The following ZDBF2 variants were observed in gnomAD, a reference collection of about 807,000 sequenced individuals.
ZDBF2 encodes zinc finger DBF-type containing 2, also known as DBF4-type zinc finger-containing protein 2.
A neutral mutation model predicts 9.4 loss-of-function variants in ZDBF2; 6 were observed. That is an observed-to-expected ratio of 0.64 (90% confidence interval 0.35 to 1.27). The LOEUF is 1.27. Among genes scored for constraint, ZDBF2 ranks in the 50% most tolerant of loss-of-function variants. The pLI is 0.03. For missense variants in ZDBF2, 2,697 were observed against 2,766.8 expected (o/e 0.97, Z 0.57); for synonymous variants, 905 against 946.3 (o/e 0.96, Z 0.80).
At chr2:206,301,571 A>C in intron 4 of ZDBF2, among the ~76,000 whole-genome samples, 1 of 151,916 alleles carries the variant, frequency 6.6e-6, no homozygotes, top group East Asian at 1.9e-4. Flanking sequence ...TCTCATTTTG[A>C]ATACCATTTT....
chr2:206,309,127 T>G lies in ZDBF2; in HGVS notation c.4599T>G (p.Gly1533=). 1.2e-6 allele frequency: 2 copies of G among 1,613,624 alleles called. No individual in the cohort carries two copies. The highest frequency in any genetic ancestry group is 1.7e-6 in the Non-Finnish European group (2 of 1,179,742). Residue 1533 remains glycine, a synonymous_variant, in exon 5 of 5, where the codon GGT becomes GGG. Coordinates refer to ENST00000374423, the MANE Select transcript of ZDBF2 (RefSeq NM_020923.3). ...PKVVLVDLVP[G]DSDYEVISDD... Reference sequence around the variant, plus strand: ...TGGTACTTGTGGATCTGGTGCCCGGTGATAGTGATTATGAAGTAATTTCAG... The same window carrying G: ...TGGTACTTGTGGATCTGGTGCCCGGGGATAGTGATTATGAAGTAATTTCAG...
Position 206,307,385 on chromosome 2 carries a change from G to A in ZDBF2, c.2857G>A (p.Val953Ile), listed in dbSNP as rs758533765. The change falls in exon 5 of 5, where the codon GTT becomes ATT. Residue 953 changes from valine (V) to isoleucine (I), a missense_variant. Coordinates refer to ENST00000374423, the MANE Select transcript of ZDBF2 (RefSeq NM_020923.3). ...KEHMYLENKS[V>I]FETSLDSDVP... Reference sequence around the variant, plus strand: ...GCACATGTACTTAGAAAATAAGAGTGTTTTTGAAACAAGTTTGGATTCTGA... The same window carrying A: ...GCACATGTACTTAGAAAATAAGAGTATTTTTGAAACAAGTTTGGATTCTGA... The A allele has an allele frequency of 1.2e-6, 2 of 1,613,052 alleles. No homozygotes were observed. The highest frequency in any genetic ancestry group is 2.2e-5 in the South Asian group (2 of 90,744).
rs538405975 is a variant in ZDBF2, at chr2:206,295,665, C to T, written c.61-1581C>T. ...CTGGGATTACAGGCCTGAGCCACTG[C>T]GCCCAGCCCAGTTTACTCTAATTTT... On this transcript the variant is annotated intron_variant, in intron 3 of 4. Coordinates refer to ENST00000374423, the MANE Select transcript of ZDBF2 (RefSeq NM_020923.3). 5.9e-5 allele frequency among the ~76,000 whole-genome samples: 9 copies of T among 152,196 alleles called. No homozygotes were observed. The South Asian group carries it at 1.2e-3, about 21-fold the overall frequency.
intron 2 of ZDBF2, among the ~76,000 whole-genome samples, chr2:206,281,167 CTATT>C (rs1279514206): frequency 6.6e-6 from 1 of 152,142 alleles, no homozygotes; most frequent in Non-Finnish European, 1.5e-5. Flanking sequence ...AACTGGAAAA[CTATT>C]TATTTGTAGA....
Position 206,274,756 on chromosome 2 carries a change from G to C in ZDBF2, c.-293G>C, listed in dbSNP as rs1285299330. 1 of 152,216 alleles carries C rather than the reference G, an allele frequency of 6.6e-6. No individual in the cohort carries two copies. Among genetic ancestry groups the C allele is most frequent in the South Asian group, 2.1e-4 (1 of 4,834 alleles). 9.4% of individuals were successfully genotyped at this position (152,216 alleles called of 1,614,324 possible). A position where few individuals can be genotyped will look rare whatever the true frequency, so the allele number is the denominator to read the frequency against. On this transcript the variant is annotated 5_prime_UTR_variant, in exon 1 of 5. Coordinates refer to ENST00000374423, the MANE Select transcript of ZDBF2 (RefSeq NM_020923.3). ...CCCGCGTCCTGAGAGACGCGCTCCCGCGCCGCTTCTCGCCTCCGGACCGCA... is the reference window on the plus strand; with the variant it reads ...CCCGCGTCCTGAGAGACGCGCTCCCCCGCCGCTTCTCGCCTCCGGACCGCA...
At chr2:206,299,482 C>A (rs1692380574) in intron 4 of ZDBF2, among the ~76,000 whole-genome samples, 1 of 151,314 alleles carries the variant, frequency 6.6e-6, no homozygotes, top group South Asian at 2.1e-4. Context: ...ACCAGCCTGG[C>A]CAACATGGTG....
At chr2:206,304,683 A>C in intron 4 of ZDBF2, 34 bp from the exon 5 acceptor site, 1 of 1,558,442 alleles carries the variant, frequency 6.4e-7, no homozygotes, top group Non-Finnish European at 8.6e-7. Context: ...CAGACATTAG[A>C]ATATGTTTAT....
chr2:206,302,831 G>A (rs542436710), intron 4 of ZDBF2, among the ~76,000 whole-genome samples: 1 of 152,220 alleles, frequency 6.6e-6, no homozygotes, highest in African/African-American at 2.4e-5. Context: ...GCTGACACAT[G>A]TATGCATGTT....
rs763014021 is a variant in ZDBF2, at chr2:206,310,180, G to A, written c.5652G>A (p.Lys1884=). ...KKVTWADLQG[K]EDTAPTQAVS... is the part of the protein sequence containing the mutation. ...TTACCTGGGCTGACTTGCAAGGTAA[G>A]GAGGACACTGCACCAACTCAAGCTG... is the stretch of plus-strand genomic sequence containing the variant. The change falls in exon 5 of 5, where the codon AAG becomes AAA. Residue 1884 remains lysine, a synonymous_variant. Transcript: ENST00000374423. 1 of 1,613,942 alleles carries A rather than the reference G, an allele frequency of 6.2e-7. No homozygotes were observed. Among genetic ancestry groups the A allele is most frequent in the Non-Finnish European group, 8.5e-7 (1 of 1,179,872 alleles).
At chr2:206,298,712 G>C (rs1467172520) in intron 4 of ZDBF2, among the ~76,000 whole-genome samples, 2 of 151,820 alleles carry the variant, frequency 1.3e-5, no homozygotes, top group Non-Finnish European at 2.9e-5. Context: ...ATTTAGTAGA[G>C]ACTGGGTTTT....
chr2:206,304,807 T>C lies in ZDBF2; in HGVS notation c.279T>C (p.Asp93=). Residue 93 remains aspartate (D), a synonymous_variant, in exon 5 of 5, where the codon GAT becomes GAC. Coordinates refer to ENST00000374423, the MANE Select transcript of ZDBF2 (RefSeq NM_020923.3). ...CTTTTTCTGAAGAAGAGGAAGAGGA[T>C]GAGGATAAGGTTGAGGATGAGGATG... ...DDAFSEEEEE[D]EDKVEDEDAT... is the part of the protein sequence containing the mutation. 6.2e-7 allele frequency: 1 copy of C among 1,613,514 alleles called. No individual in the cohort carries two copies. Among genetic ancestry groups the C allele is most frequent in the Non-Finnish European group, 8.5e-7 (1 of 1,179,708 alleles).
At position 206,280,772 on chromosome 2, in the gene ZDBF2, T is replaced by C. The variant is rs182442010; in HGVS notation, c.-49-1029T>C. Among the ~76,000 whole-genome samples, 76 of 152,306 alleles carry C rather than the reference T, an allele frequency of 5.0e-4. 1 individual carries two copies. Among genetic ancestry groups the C allele is most frequent in the Admixed American group, 4.6e-3 (70 of 15,308 alleles). ...TCCCCTCATCTTATGGTTTTAAGGC[T>C]GTGATTTCATTTTTCAGTTATTGAT... On this transcript the variant is annotated intron_variant, in intron 2 of 4. Transcript: ENST00000374423.
intron 3 of ZDBF2, chr2:206,291,957 A>G (rs768459925): frequency 2.0e-5 from 8 of 397,042 alleles, no homozygotes; most frequent in Non-Finnish European, 3.1e-5. Context: ...TTTAATAAGG[A>G]AGGTGAAATA....
chr2:206,309,580 CAAAG>C lies in ZDBF2; in HGVS notation c.5055_5058del (p.Glu1686ProfsTer12). The C allele has an allele frequency of 6.2e-7, 1 of 1,613,892 alleles. No individual in the cohort carries two copies. The highest frequency in any genetic ancestry group is 8.5e-7 in the Non-Finnish European group (1 of 1,179,878). ...CGACTCACCGACTGCAGAAAGCTCACAAAGAAGCCAGTCTTCGGAAGGATCCAAG... is the reference window on the plus strand; with the variant it reads ...CGACTCACCGACTGCAGAAAGCTCACAAGCCAGTCTTCGGAAGGATCCAAG... On this transcript the variant is annotated frameshift_variant, in exon 5 of 5. Transcript: ENST00000374423. LOFTEE classifies it low-confidence loss of function (END_TRUNC).
chr2:206,285,396 A>G (rs1691548950), intron 3 of ZDBF2, among the ~76,000 whole-genome samples: 1 of 152,188 alleles, frequency 6.6e-6, no homozygotes, highest in Non-Finnish European at 1.5e-5. Flanking sequence ...CTTGATGATT[A>G]GTGATGTTGA....
At chr2:206,294,021 A>G (rs758838927) in intron 3 of ZDBF2, among the ~76,000 whole-genome samples, 3 of 152,198 alleles carry the variant, frequency 2.0e-5, no homozygotes, top group Non-Finnish European at 4.4e-5. Flanking sequence ...GAATGAATAA[A>G]TAAGATATGG....
In ZDBF2 at chr2:206,310,008, T is replaced by C. The variant is rs770845390; in HGVS notation, c.5480T>C (p.Phe1827Ser). ...GCCTTGCCTCATGTACCTCCTTCATTTGTGGGGAAAACATGGTCTCAGATA... is the reference window on the plus strand; with the variant it reads ...GCCTTGCCTCATGTACCTCCTTCATCTGTGGGGAAAACATGGTCTCAGATA... ...LEALPHVPPS[F>S]VGKTWSQIMR... is the part of the protein sequence containing the mutation. The change falls in exon 5 of 5, where the codon TTT (phenylalanine) becomes TCT (serine). Residue 1827 changes from phenylalanine (F) to serine (S), a missense_variant. Phe to Ser is a radical substitution (Grantham distance 155). Transcript: ENST00000374423. 3 of 1,613,104 alleles carry C rather than the reference T, an allele frequency of 1.9e-6. No individual in the cohort carries two copies. The highest frequency in any genetic ancestry group is 1.1e-5 in the South Asian group (1 of 90,806).
chr2:206,310,171 G>A lies in ZDBF2; in HGVS notation c.5643G>A (p.Leu1881=), dbSNP rs1693081391. Reference sequence around the variant, plus strand: ...AAAAAAAGGTTACCTGGGCTGACTTGCAAGGTAAGGAGGACACTGCACCAA... The same window carrying A: ...AAAAAAAGGTTACCTGGGCTGACTTACAAGGTAAGGAGGACACTGCACCAA... ...KGKKKVTWAD[L]QGKEDTAPTQ... is the part of the protein sequence containing the mutation. The change falls in exon 5 of 5, where the codon TTG becomes TTA. Residue 1881 remains leucine, a synonymous_variant. Coordinates refer to ENST00000374423, the MANE Select transcript of ZDBF2 (RefSeq NM_020923.3). 1.2e-6 allele frequency: 2 copies of A among 1,613,846 alleles called. No individual in the cohort carries two copies. The highest frequency in any genetic ancestry group is 1.7e-6 in the Non-Finnish European group (2 of 1,179,848).
intron 3 of ZDBF2, among the ~76,000 whole-genome samples, chr2:206,283,622 T>C (rs192899062): frequency 1.3e-5 from 2 of 152,292 alleles, no homozygotes; most frequent in Admixed American, 6.5e-5. Context: ...TTATCAGATG[T>C]ATGATTTACA....
Sources: gnomAD v4.1 joint callset for allele counts (sites outside exome capture counted in the v4.1 genomes callset) on GRCh38, gnomAD v4.1.1 for gene constraint, MANE v1.5 for transcripts, NCBI Gene and HGNC (gene_info 2026-07-23, HGNC 2026-07-21) for gene names.